COL18A1: variants seen among roughly 807,000 people sequenced by gnomAD.
The protein encoded by COL18A1 is collagen alpha-1(XVIII) chain.
In COL18A1, 133 loss-of-function variants were observed where a neutral mutation model predicts 168.0. The ratio of observed to expected loss-of-function variants is 0.79; its 90% confidence interval spans 0.69 to 0.91. The LOEUF is 0.91. Among genes scored for constraint, COL18A1 ranks in the 40% least tolerant of loss-of-function variants. The probability of loss-of-function intolerance (pLI) is 0.00; values close to 1 mark genes in which losing one functional copy is unlikely to be tolerated. For synonymous variants in COL18A1, 949 were observed against 809.0 expected (o/e 1.17, Z -2.94); for missense variants, 2,126 against 1,925.4 (o/e 1.10, Z -1.95).
chr21:45,432,567 G>A lies in COL18A1; in HGVS notation c.106+27094G>A, dbSNP rs1383546161. On this transcript the variant is annotated intron_variant, in intron 2 of 41. Transcript: ENST00000651438. ...CCACTTTTTGGGTGAGAACCCCCTC[G>A]AGTCCTAACATCTGCCGCATCTCAG... 3.3e-5 allele frequency among the ~76,000 whole-genome samples: 5 copies of A among 152,318 alleles called. No individual in the cohort carries two copies. The South Asian group carries it at 8.3e-4, about 25-fold the overall frequency.
In COL18A1 at chr21:45,510,132, G is replaced by C; in HGVS notation, c.3564G>C (p.Gln1188His). 1.9e-6 allele frequency: 3 copies of C among 1,600,818 alleles called. No homozygotes were observed. Among genetic ancestry groups the C allele is most frequent in the Non-Finnish European group, 2.6e-6 (3 of 1,174,714 alleles). The change falls in exon 40 of 42, where the codon CAG becomes CAC. Residue 1188 changes from glutamine (Q) to histidine (H), a missense_variant. Gln to His is a conservative substitution (Grantham distance 24). Transcript: ENST00000651438. ...GGGGCATCCGCGGGGCCGACTTCCAGTGCTTCCAGCAGGCGCGGGCCGTGG... is the reference window on the plus strand; with the variant it reads ...GGGGCATCCGCGGGGCCGACTTCCACTGCTTCCAGCAGGCGCGGGCCGTGG... Reference protein sequence around the residue: ...GMRGIRGADFQCFQQARAVGL... With the variant: ...GMRGIRGADFHCFQQARAVGL...
At position 45,486,978 on chromosome 21, in the gene COL18A1, C is replaced by T. The variant is rs955916534; in HGVS notation, c.1819C>T (p.Leu607Phe). 1 of 1,517,844 alleles carries T rather than the reference C, an allele frequency of 6.6e-7. No individual in the cohort carries two copies. Among genetic ancestry groups the T allele is most frequent in the Non-Finnish European group, 8.8e-7 (1 of 1,139,758 alleles). 94.0% of individuals were successfully genotyped at this position (1,517,844 alleles called of 1,614,324 possible). Reference sequence around the variant, plus strand: ...GCCCCCTGGGCCCCCAGGACCAGGACTCCCCGCTGGATTTGTGAGTACCGC... The same window carrying T: ...GCCCCCTGGGCCCCCAGGACCAGGATTCCCCGCTGGATTTGTGAGTACCGC... ...PGPPGPPGPG[L>F]PAGFDDMEGS... The change falls in exon 16 of 42, where the codon CTC becomes TTC. Residue 607 changes from leucine (L) to phenylalanine (F), a missense_variant. Transcript: ENST00000651438.
At position 45,473,860 on chromosome 21, in the gene COL18A1, G is replaced by A. The variant is rs1386024364; in HGVS notation, c.652-35G>A. The A allele has an allele frequency of 6.4e-7, 1 of 1,551,604 alleles. No homozygotes were observed. The highest frequency in any genetic ancestry group is 1.9e-5 in the Admixed American group (1 of 52,966). On this transcript the variant is annotated intron_variant, in intron 3 of 41. Transcript: ENST00000651438. This position sits in a 1 kb window ranked among gnomAD's most constrained non-coding sequence, Gnocchi z 4.0. ...ACCGGGGTTGCCACTGCCACCTCAG[G>A]ACCGCTGGTGACCCCTTTCTCTGTC...
At chr21:45,418,515 G>A (rs943855661) in intron 2 of COL18A1, among the ~76,000 whole-genome samples, 20 of 152,234 alleles carry the variant, frequency 1.3e-4, no homozygotes, top group South Asian at 4.2e-4. Flanking sequence ...GCGCTTGCCC[G>A]GTCACTTGTC....
intron 2 of COL18A1, among the ~76,000 whole-genome samples, chr21:45,409,343 G>A (rs879606095): frequency 5.9e-5 from 9 of 152,330 alleles, no homozygotes; most frequent in Middle Eastern, 3.4e-3. Context: ...CATGTTGGGC[G>A]CCCTTATACG....
chr21:45,477,507 CTCCTGAACCA>C lies in COL18A1; in HGVS notation c.1005+22_1005+31del. 1 of 1,593,130 alleles carries C rather than the reference CTCCTGAACCA, an allele frequency of 6.3e-7. No homozygotes were observed. Among genetic ancestry groups the C allele is most frequent in the Non-Finnish European group, 8.6e-7 (1 of 1,168,716 alleles). On this transcript the variant is annotated intron_variant, in intron 7 of 41. Coordinates refer to ENST00000651438, the MANE Select transcript of COL18A1 (RefSeq NM_001379500.1). ...AAAGAGGTAAGGCCACCTCCCTGTG[CTCCTGAACCA>C]TTCTGAACCAGAGCACCTGTGGCCT...
intron 3 of COL18A1, among the ~76,000 whole-genome samples, chr21:45,469,336 G>A (rs1402126899): frequency 6.6e-6 from 1 of 152,264 alleles, no homozygotes; most frequent in Non-Finnish European, 1.5e-5. Flanking sequence ...GCTGGCGGCA[G>A]CAGGGTGTTG....
intron 2 of COL18A1, among the ~76,000 whole-genome samples, chr21:45,433,117 C>G (rs554662156): frequency 2.0e-5 from 3 of 152,166 alleles, no homozygotes; most frequent in Non-Finnish European, 4.4e-5. Context: ...GGCTTCATTT[C>G]GAGAGGGTCA....
chr21:45,458,019 C>CG (rs539450797), intron 2 of COL18A1, among the ~76,000 whole-genome samples: 518 of 140,342 alleles, frequency 3.7e-3, no homozygotes, highest in African/African-American at 0.013. Context: ...GGGGAGTGGC[C>CG]GGGGGGCCAC....
At position 45,443,068 on chromosome 21, in the gene COL18A1, CTGGTGTGGGTGGTGGT is replaced by C. The variant is rs1263221262; in HGVS notation, c.107-25173_107-25158del. On this transcript the variant is annotated intron_variant, in intron 2 of 41. Transcript: ENST00000651438. This position sits in a 1 kb window ranked among gnomAD's most constrained non-coding sequence, Gnocchi z 5.2. The stretch of plus-strand genomic sequence containing the variant: ...GGTGCTGGTGTGGGCGGTGGTGGTG[CTGGTGTGGGTGGTGGT>C]GGTGCTGATGTGGGCGGCGGTGCTG... Among the ~76,000 whole-genome samples the C allele has an allele frequency of 1.1e-4, 14 of 124,292 alleles. No homozygotes were observed. Among genetic ancestry groups the C allele is most frequent in the African/African-American group, 4.7e-4 (13 of 27,708 alleles). 81.5% of individuals were successfully genotyped at this position (124,292 alleles called of 152,430 possible). A position where few individuals can be genotyped will look rare whatever the true frequency, so the allele number is the denominator to read the frequency against.
At chr21:45,414,219 G>A (rs2123514937) in intron 2 of COL18A1, among the ~76,000 whole-genome samples, 1 of 152,344 alleles carries the variant, frequency 6.6e-6, no homozygotes, top group Admixed American at 6.5e-5. Flanking sequence ...TGGTGTGCCT[G>A]TGCCTGGCAG....
chr21:45,506,057 C>G, intron 37 of COL18A1, 91 bp downstream of exon 37: 3 of 1,590,734 alleles, frequency 1.9e-6, no homozygotes, highest in Non-Finnish European at 1.7e-6. Context: ...AGGCCCCGGA[C>G]AGGGATGGGA....
Position 45,463,672 on chromosome 21 carries a change from C to T in COL18A1, c.107-4570C>T, listed in dbSNP as rs112185402. Among the ~76,000 whole-genome samples, 4,449 of 152,192 alleles carry T rather than the reference C, an allele frequency of 0.029. 228 individuals are homozygous for T. Among genetic ancestry groups the T allele is most frequent in the African/African-American group, 0.1 (4,196 of 41,502 alleles). On this transcript the variant is annotated intron_variant, in intron 2 of 41. Coordinates refer to ENST00000651438, the MANE Select transcript of COL18A1 (RefSeq NM_001379500.1). This position sits in a 1 kb window ranked among gnomAD's most constrained non-coding sequence, Gnocchi z 4.0. ...CAGCACTTTGGGATGCCGAGGCATG[C>T]GGATCGCCTGAGGTCGGGAGTTGGA...
At position 45,498,280 on chromosome 21, in the gene COL18A1, G is replaced by T. The variant is rs542277499; in HGVS notation, c.2683+619G>T. On this transcript the variant is annotated intron_variant, in intron 32 of 41. Coordinates refer to ENST00000651438, the MANE Select transcript of COL18A1 (RefSeq NM_001379500.1). This position sits in a 1 kb window ranked among gnomAD's most constrained non-coding sequence, Gnocchi z 4.5. ...CCAGAGAGCCAGGCTAGCCTCGGGCGCCTTTCACCACCAGGGTCCCCTCTC... is the reference window on the plus strand; with the variant it reads ...CCAGAGAGCCAGGCTAGCCTCGGGCTCCTTTCACCACCAGGGTCCCCTCTC... 1.4e-6 allele frequency: 1 copy of T among 707,708 alleles called. No individual in the cohort carries two copies. Among genetic ancestry groups the T allele is most frequent in the South Asian group, 1.5e-5 (1 of 67,556 alleles). The allele number at this position is 707,708 out of a possible 1,614,324, so 43.8% of individuals were successfully genotyped here. A position where few individuals can be genotyped will look rare whatever the true frequency, so the allele number is the denominator to read the frequency against.
At chr21:45,475,442 A>G (rs2035612548) in intron 4 of COL18A1, 34 bp from the exon 5 acceptor site, 2 of 1,564,580 alleles carry the variant, frequency 1.3e-6, no homozygotes, top group Admixed American at 3.8e-5. Context: ...CCTGGCTGCC[A>G]TCTCTCCAGC....
At chr21:45,455,124 G>C (rs991956068) in intron 2 of COL18A1, among the ~76,000 whole-genome samples, 9 of 152,262 alleles carry the variant, frequency 5.9e-5, no homozygotes, top group Non-Finnish European at 1.0e-4. Flanking sequence ...CCAGGTCAGA[G>C]GGGGAGCAGG....
chr21:45,497,339 C>T (rs1035480796), intron 31 of COL18A1, among the ~76,000 whole-genome samples: 9 of 152,236 alleles, frequency 5.9e-5, no homozygotes, highest in Non-Finnish European at 7.3e-5. Context: ...GCTTCTCTGG[C>T]CAAAGCAGGG....
At chr21:45,486,452 TC>T in intron 15 of COL18A1, among the ~76,000 whole-genome samples, 1 of 97,544 alleles carries the variant, frequency 1.0e-5, no homozygotes, top group African/African-American at 4.8e-5. Context: ...TCCTCTCTCC[TC>T]TCTTTTCCCC....
rs576654195 is a variant in COL18A1, at chr21:45,504,696, C to A, written c.2868+140C>A. 19 of 748,358 alleles carry A rather than the reference C, an allele frequency of 2.5e-5. No individual in the cohort carries two copies. The East Asian group carries it at 4.9e-4, about 19-fold the overall frequency. 46.4% of individuals were successfully genotyped at this position (748,358 alleles called of 1,614,324 possible). On this transcript the variant is annotated intron_variant, in intron 34 of 41. Transcript: ENST00000651438. ...CTCAGCAGCCCCGACATGTCCCTGT[C>A]CCCGTGTGGGGACGCAGCAGGCCAC...
Sources: gnomAD v4.1 joint callset for allele counts (sites outside exome capture counted in the v4.1 genomes callset) on GRCh38, gnomAD v4.1.1 for gene constraint, Gnocchi (gnomAD v3.1) non-coding constraint, MANE v1.5 for transcripts, NCBI Gene and HGNC (gene_info 2026-07-23, HGNC 2026-07-21) for gene names.